The following NRAP variants were observed in gnomAD, a reference collection of about 807,000 sequenced individuals.
The protein encoded by NRAP is nebulin related anchoring protein.
In NRAP, 189 loss-of-function variants were observed where a neutral mutation model predicts 225.9. That is an observed-to-expected ratio of 0.84 (90% CI 0.74 to 0.94). The LOEUF (loss-of-function observed/expected upper bound fraction) is 0.94. NRAP is among the 40% of genes least tolerant of loss of function. The pLI is 0.00. For missense variants in NRAP, 2,176 were observed against 2,168.7 expected, an observed-to-expected ratio of 1.00 and a Z score of -0.07; for synonymous variants, 769 against 790.7, an observed-to-expected ratio of 0.97 and a Z score of 0.46.
Position 113,605,755 on chromosome 10 carries a change from A to C in NRAP, c.3915+7T>G, listed in dbSNP as rs1489756343. The C allele has an allele frequency of 6.4e-7, 1 of 1,572,918 alleles. No homozygotes were observed. Among genetic ancestry groups the C allele is most frequent in the Admixed American group, 1.7e-5 (1 of 59,780 alleles). On this transcript the variant is annotated splice_region_variant and intron_variant, in intron 34 of 41. Transcript: ENST00000359988. ...GGCAAGATGGAAGGTCATATCATTC[A>C]ACTCACATCACTGGCTATATCTCCA...
intron 11 of NRAP, among the ~76,000 whole-genome samples, chr10:113,644,699 G>A (rs1849399485): frequency 6.6e-6 from 1 of 152,144 alleles, no homozygotes; most frequent in Non-Finnish European, 1.5e-5. Context: ...AAATATCACT[G>A]CTGGTGACTC....
At chr10:113,607,399 C>CAAAAAAAA (rs543627940) in intron 32 of NRAP, among the ~76,000 whole-genome samples, 63 of 68,586 alleles carry the variant, frequency 9.2e-4, no homozygotes, top group East Asian at 1.1e-3. Flanking sequence ...GAAACTCCGT[C>CAAAAAAAA]AAAAAAAAAA....
chr10:113,653,956 A>G (rs899148462), intron 5 of NRAP, 65 bp downstream of exon 5: 3 of 942,354 alleles, frequency 3.2e-6, no homozygotes, highest in Admixed American at 1.7e-5. Context: ...AAAGTCAAGG[A>G]ACAGTCAAAC....
At chr10:113,602,490 C>T (rs900638286) in intron 35 of NRAP, among the ~76,000 whole-genome samples, 6 of 152,182 alleles carry the variant, frequency 3.9e-5, no homozygotes, top group African/African-American at 1.4e-4. Context: ...CTTGGGCTGG[C>T]ACTTTAGTAA....
At chr10:113,615,448 T>C (rs1247235370) in intron 27 of NRAP, among the ~76,000 whole-genome samples, 1 of 152,178 alleles carries the variant, frequency 6.6e-6, no homozygotes, top group African/African-American at 2.4e-5. Flanking sequence ...TCCAAACCAA[T>C]GCTCTTTGAA....
rs370801674 is a variant in NRAP at position 113,624,900 on chromosome 10, C to T, written c.2275G>A (p.Val759Ile). 6.2e-7 allele frequency: 1 copy of T among 1,613,872 alleles called. No individual in the cohort carries two copies. Among genetic ancestry groups the T allele is most frequent in the African/African-American group, 1.3e-5 (1 of 74,914 alleles). The change falls in exon 22 of 42, where the codon GTC becomes ATC. Residue 759 changes from valine to isoleucine, a missense_variant. Val to Ile is a conservative substitution (Grantham distance 29). This residue lies in a region of NRAP where 1,708 missense variants were observed against 1,695.5 expected (regional missense o/e 1.01). Coordinates refer to ENST00000359988, the MANE Select transcript of NRAP (RefSeq NM_198060.4). ...VAYKAGNEQSVHQYTISKDEP... is the reference protein window; with the variant it reads ...VAYKAGNEQSIHQYTISKDEP... ...TCTTTGCTGATGGTATACTGATGGA[C>T]AGACTGCTCATTTCCTGCCTTGTAG...
chr10:113,623,893 G>A (rs11598453), intron 22 of NRAP, among the ~76,000 whole-genome samples: 3,976 of 152,224 alleles, frequency 0.026, 76 homozygotes, highest in Non-Finnish European at 0.041. Context: ...AGGAGTTTTC[G>A]TGGAAGTCTC....
chr10:113,646,569 T>C (rs1849523334), intron 10 of NRAP, among the ~76,000 whole-genome samples: 2 of 152,210 alleles, frequency 1.3e-5, no homozygotes, highest in African/African-American at 4.8e-5. Context: ...CATCACCGGG[T>C]TACACCCAAT....
chr10:113,615,347 T>A (rs187097093), intron 27 of NRAP, among the ~76,000 whole-genome samples: 1 of 152,230 alleles, frequency 6.6e-6, no homozygotes, highest in East Asian at 1.9e-4. Flanking sequence ...GCTGACAGAT[T>A]TTGGAGAGGA....
intron 32 of NRAP, among the ~76,000 whole-genome samples, chr10:113,607,432 A>AAAAAG (rs1564708957): frequency 1.5e-5 from 2 of 135,246 alleles, no homozygotes; most frequent in African/African-American, 2.7e-5. Context: ...AAAAAAAAAA[A>AAAAAG]AAAAGAAAAG....
chr10:113,620,575 G>T lies in NRAP; in HGVS notation c.2874+29C>A, dbSNP rs763819629. 4 of 1,358,924 alleles carry T rather than the reference G, an allele frequency of 2.9e-6. No individual in the cohort carries two copies. The Admixed American group carries it at 6.7e-5, about 23-fold the overall frequency. The allele number at this position is 1,358,924 out of a possible 1,614,324, so 84.2% of individuals were successfully genotyped here. On this transcript the variant is annotated intron_variant, in intron 25 of 41. Coordinates refer to ENST00000359988, the MANE Select transcript of NRAP (RefSeq NM_198060.4). ...GACGCCGCACGCCTAATGCAGCCAGGCCTGTTACAGGCTGTCAGGAAATCT... is the reference window on the plus strand; with the variant it reads ...GACGCCGCACGCCTAATGCAGCCAGTCCTGTTACAGGCTGTCAGGAAATCT...
Position 113,589,174 on chromosome 10 carries a change from G to A in NRAP, c.5089-95C>T. On this transcript the variant is annotated intron_variant, in intron 41 of 41. Transcript: ENST00000359988. ...CAGGACACGCTAAGAAGCACAGGGA[G>A]CATTTAACAGGCTCACCCTCCCTTT... 4 of 945,880 alleles carry A rather than the reference G, an allele frequency of 4.2e-6. No individual in the cohort carries two copies. The South Asian group carries it at 4.6e-5, about 11-fold the overall frequency. 58.6% of individuals were successfully genotyped at this position (945,880 alleles called of 1,614,324 possible).
At chr10:113,598,521 T>G (rs1846419396) in intron 35 of NRAP, among the ~76,000 whole-genome samples, 1 of 152,006 alleles carries the variant, frequency 6.6e-6, no homozygotes, top group South Asian at 2.1e-4. Flanking sequence ...CAAATCACTT[T>G]AACCAAAATG....
Position 113,621,922 on chromosome 10 carries a change from G to A in NRAP, c.2716C>T (p.Pro906Ser). 6.2e-7 allele frequency: 1 copy of A among 1,613,978 alleles called. No homozygotes were observed. Among genetic ancestry groups the A allele is most frequent in the Non-Finnish European group, 8.5e-7 (1 of 1,179,912 alleles). ...GCCCATTCCACCTTCATGTCTGTGGGCAAAGCCGTAAAGTGATGTTCCGCT... is the reference window on the plus strand; with the variant it reads ...GCCCATTCCACCTTCATGTCTGTGGACAAAGCCGTAAAGTGATGTTCCGCT... The part of the protein sequence containing the change: ...KTAEHHFTAL[P>S]TDMKVEWAKK... The change falls in exon 24 of 42, where the codon CCC becomes TCC. Residue 906 changes from proline (P) to serine (S), a missense_variant. Physicochemically the swap from Pro to Ser is moderately conservative, Grantham distance 74. This residue lies in a region of NRAP where 1,708 missense variants were observed against 1,695.5 expected (regional missense o/e 1.01). Coordinates refer to ENST00000359988, the MANE Select transcript of NRAP (RefSeq NM_198060.4).
At chr10:113,661,278 G>C (rs1850658061) in intron 3 of NRAP, among the ~76,000 whole-genome samples, 2 of 152,146 alleles carry the variant, frequency 1.3e-5, no homozygotes, top group African/African-American at 4.8e-5. Flanking sequence ...TTAATTAAGT[G>C]CTTCTACAGT....
chr10:113,631,200 G>A (rs757125089), intron 18 of NRAP, among the ~76,000 whole-genome samples: 35 of 152,118 alleles, frequency 2.3e-4, no homozygotes, highest in Non-Finnish European at 4.6e-4. Context: ...CCAGGGTCTC[G>A]ACCAGTGTCT....
At chr10:113,615,940 C>A (rs1280722073) in intron 26 of NRAP, 124 bp from the exon 27 acceptor site, 2 of 666,462 alleles carry the variant, frequency 3.0e-6, no homozygotes, top group Admixed American at 2.1e-5. Flanking sequence ...TGATTTCGGG[C>A]ACCCTGCCTC....
At chr10:113,606,156 C>T in intron 33 of NRAP, 22 bp downstream of exon 33, 2 of 1,570,200 alleles carry the variant, frequency 1.3e-6, no homozygotes, top group Non-Finnish European at 1.8e-6. Context: ...CATGCTTGAA[C>T]TTAAGTAACA....
At chr10:113,610,626 C>T in intron 30 of NRAP, 63 bp from the exon 31 acceptor site, 11 of 1,000,042 alleles carry the variant, frequency 1.1e-5, no homozygotes, top group South Asian at 9.2e-5. Flanking sequence ...GGAAGCAAAG[C>T]AAAACCAGAG....
Sources: allele counts gnomAD v4.1 joint callset (sites outside exome capture counted in the v4.1 genomes callset), GRCh38; gene constraint gnomAD v4.1.1; regional missense constraint gnomAD v4.1.1; transcripts MANE v1.5; gene names NCBI Gene and HGNC (gene_info 2026-07-23, HGNC 2026-07-21).